The following VWA8 variants were observed in gnomAD, a reference collection of about 807,000 sequenced individuals.
VWA8 encodes von Willebrand factor A domain-containing protein 8.
In VWA8, 221 loss-of-function variants were observed where a neutral mutation model predicts 241.5. The ratio of observed to expected loss-of-function variants is 0.91; its 90% CI spans 0.82 to 1.02. The LOEUF (loss-of-function observed/expected upper bound fraction) is 1.02, where lower values mean the gene tolerates loss of function less well. Among genes scored for constraint, VWA8 ranks in the 50% least tolerant of loss-of-function variants. The pLI, the probability that VWA8 is intolerant of heterozygous loss-of-function variation, is 0.00. For missense variants in VWA8, 2,322 were observed against 2,328.7 expected, an observed-to-expected ratio of 1.00 and a Z score of 0.06; for synonymous variants, 852 against 827.1, an observed-to-expected ratio of 1.03 and a Z score of -0.52.
chr13:41,756,726 G>A (rs895605495), intron 21 of VWA8, among the ~76,000 whole-genome samples: 1 of 151,362 alleles, frequency 6.6e-6, no homozygotes, highest in African/African-American at 2.4e-5. Flanking sequence ...TTCAACTTTT[G>A]AAGCCATCTT....
chr13:41,732,648 C>G (rs535037559), intron 21 of VWA8, among the ~76,000 whole-genome samples: 10 of 152,244 alleles, frequency 6.6e-5, no homozygotes, highest in South Asian at 6.2e-4. Flanking sequence ...GCCAGACTAT[C>G]ACACCGCTTG....
At chr13:41,623,534 C>T (rs974485310) in intron 37 of VWA8, among the ~76,000 whole-genome samples, 1 of 152,198 alleles carries the variant, frequency 6.6e-6, no homozygotes, top group Non-Finnish European at 1.5e-5. Context: ...GGATGTCCTA[C>T]TTCTAACGAG....
rs540946351 is a variant in VWA8, at chr13:41,574,847, T to C, written c.5370+893A>G. 8.5e-5 allele frequency among the ~76,000 whole-genome samples: 13 copies of C among 152,276 alleles called. No homozygotes were observed. In the South Asian group the frequency reaches 1.7e-3, roughly 19 times the overall value. On this transcript the variant is annotated intron_variant, in intron 43 of 44. Transcript: ENST00000379310. Reference sequence around the variant, plus strand: ...AGTACAACCACTATGGAAAACAGTATGGAAAGTCCTTAAAGAACTAAAGTA... The same window carrying C: ...AGTACAACCACTATGGAAAACAGTACGGAAAGTCCTTAAAGAACTAAAGTA...
chr13:41,856,339 C>CAAAA (rs1872748922), intron 12 of VWA8, among the ~76,000 whole-genome samples: 1 of 149,434 alleles, frequency 6.7e-6, no homozygotes, highest in African/African-American at 2.5e-5. Flanking sequence ...TTGATCAAAA[C>CAAAA]AAAACAAAAC....
intron 20 of VWA8, among the ~76,000 whole-genome samples, chr13:41,774,143 T>A (rs1265365715): frequency 6.6e-6 from 1 of 152,114 alleles, no homozygotes; most frequent in Admixed American, 6.5e-5. Context: ...TTTATTTATT[T>A]ATTATTATTT....
chr13:41,703,634 G>C (rs1163942920), intron 26 of VWA8, among the ~76,000 whole-genome samples: 1 of 152,112 alleles, frequency 6.6e-6, no homozygotes, highest in Admixed American at 6.6e-5. Flanking sequence ...GGTAAGGCAA[G>C]GTCCTGTTTT....
chr13:41,667,254 G>A (rs1182448012), intron 37 of VWA8, among the ~76,000 whole-genome samples: 1 of 152,166 alleles, frequency 6.6e-6, no homozygotes, highest in Non-Finnish European at 1.5e-5. Flanking sequence ...ACTTACCTAA[G>A]TACATCAAAC....
At chr13:41,956,343 T>A (rs1299191189) in intron 1 of VWA8, among the ~76,000 whole-genome samples, 1 of 152,234 alleles carries the variant, frequency 6.6e-6, no homozygotes, top group Non-Finnish European at 1.5e-5. Flanking sequence ...ATCATTTTTA[T>A]ATATACTAAA....
At chr13:41,945,169 C>T (rs550275284) in intron 2 of VWA8, among the ~76,000 whole-genome samples, 1 of 152,162 alleles carries the variant, frequency 6.6e-6, no homozygotes, top group South Asian at 2.1e-4. Flanking sequence ...AGCCAAGAGA[C>T]TTATTGATTC....
At chr13:41,866,102 C>G in intron 10 of VWA8, 66 bp from the exon 11 acceptor site, 1 of 1,574,768 alleles carries the variant, frequency 6.4e-7, no homozygotes, top group African/African-American at 1.3e-5. Flanking sequence ...AATCCCAACA[C>G]TTTGGGAGGC....
At chr13:41,841,130 T>C (rs566286066) in intron 12 of VWA8, among the ~76,000 whole-genome samples, 1 of 152,254 alleles carries the variant, frequency 6.6e-6, no homozygotes, top group South Asian at 2.1e-4. Context: ...CTCAAGTATA[T>C]TATGACAATG....
chr13:41,943,566 C>T (rs1329029378), intron 2 of VWA8, among the ~76,000 whole-genome samples: 4 of 151,866 alleles, frequency 2.6e-5, no homozygotes, highest in Non-Finnish European at 1.5e-5. Context: ...CAAAAGATAT[C>T]AATGAGAAAA....
At chr13:41,862,757 T>A (rs1246646383) in intron 12 of VWA8, among the ~76,000 whole-genome samples, 1 of 152,080 alleles carries the variant, frequency 6.6e-6, no homozygotes, top group South Asian at 2.1e-4. Flanking sequence ...ATGGCTATTA[T>A]TAAAAAGTCA....
chr13:41,834,779 T>A (rs959329200), intron 12 of VWA8, among the ~76,000 whole-genome samples: 1 of 152,142 alleles, frequency 6.6e-6, no homozygotes, highest in Admixed American at 6.5e-5. Context: ...GATACATACA[T>A]GCGTATGTTC....
chr13:41,883,530 CA>C, intron 8 of VWA8, 39 bp from the exon 9 acceptor site: 1 of 1,446,112 alleles, frequency 6.9e-7, no homozygotes, highest in East Asian at 2.3e-5. Flanking sequence ...GAGCAAAATT[CA>C]AAATAATCAC....
At chr13:41,791,900 C>G (rs377317157) in intron 17 of VWA8, among the ~76,000 whole-genome samples, 2 of 151,290 alleles carry the variant, frequency 1.3e-5, no homozygotes, top group African/African-American at 4.9e-5. Context: ...AAGCAGATAT[C>G]GAGAAGTGGA....
intron 12 of VWA8, among the ~76,000 whole-genome samples, chr13:41,859,371 AG>A (rs1872906171): frequency 6.6e-6 from 1 of 152,216 alleles, no homozygotes; most frequent in Non-Finnish European, 1.5e-5. Context: ...GTTTAGCTAT[AG>A]AAAGAAAAAC....
Position 41,756,291 on chromosome 13 carries a change from A to G in VWA8, c.2426+4837T>C, listed in dbSNP as rs947071407. On this transcript the variant is annotated intron_variant, in intron 21 of 44. Coordinates refer to ENST00000379310, the MANE Select transcript of VWA8 (RefSeq NM_015058.2). The stretch of plus-strand genomic sequence containing the variant: ...TGCTTATAAAGATAATGGTGGTAAC[A>G]TACACCTAGAAATAATTACTAATAC... Among the ~76,000 whole-genome samples the G allele has an allele frequency of 8.6e-5, 13 of 151,934 alleles. 1 individual carries two copies. Among genetic ancestry groups the G allele is most frequent in the African/African-American group, 2.9e-4 (12 of 41,546 alleles).
At chr13:41,887,592 A>C (rs1274182920) in intron 5 of VWA8, among the ~76,000 whole-genome samples, 1 of 152,206 alleles carries the variant, frequency 6.6e-6, no homozygotes, top group Non-Finnish European at 1.5e-5. Flanking sequence ...TAACACACCA[A>C]GGAATAAAGG....
Sources: allele counts gnomAD v4.1 joint callset (sites outside exome capture counted in the v4.1 genomes callset), GRCh38; gene constraint gnomAD v4.1.1; transcripts MANE v1.5; gene names NCBI Gene and HGNC (gene_info 2026-07-23, HGNC 2026-07-21).